Variants in LSM14A observed in about 807,000 individuals in gnomAD.
LSM14A encodes protein LSM14 homolog A.
A neutral mutation model predicts 52.4 loss-of-function variants in LSM14A; 14 were observed. The observed-to-expected ratio is 0.27, with a 90% confidence interval of 0.18 to 0.42. The LOEUF is 0.42. Among genes scored for constraint, LSM14A ranks in the 10% least tolerant of loss-of-function variants. The pLI is 1.00. For synonymous variants in LSM14A, 185 were observed against 200.3 expected (o/e 0.92, Z 0.64); for missense variants, 417 against 581.8 (o/e 0.72, Z 2.91).
At chr19:34,183,335 G>A (rs1423585601) in intron 1 of LSM14A, among the ~76,000 whole-genome samples, 1 of 152,008 alleles carries the variant, frequency 6.6e-6, no homozygotes, top group Non-Finnish European at 1.5e-5. Context: ...GGCGGATTAC[G>A]AGGTCAGGAG....
At chr19:34,205,825 CAA>C (rs966456000) in intron 3 of LSM14A, among the ~76,000 whole-genome samples, 4 of 151,974 alleles carry the variant, frequency 2.6e-5, no homozygotes, top group African/African-American at 7.2e-5. Flanking sequence ...TCAGCAAAGT[CAA>C]GAGTTTGTTT....
chr19:34,219,622 A>G (rs369519109), intron 7 of LSM14A, 49 bp downstream of exon 7: 18 of 1,573,922 alleles, frequency 1.1e-5, no homozygotes, highest in Non-Finnish European at 1.5e-5. Context: ...TGATCTGTGA[A>G]TTACAGATGT....
chr19:34,207,728 A>G (rs1174008657), intron 3 of LSM14A, among the ~76,000 whole-genome samples: 1 of 152,088 alleles, frequency 6.6e-6, no homozygotes, highest in Non-Finnish European at 1.5e-5. Flanking sequence ...ACGAGGTTTC[A>G]TCATACTGGT....
At chr19:34,196,430 A>T (rs188709440) in intron 2 of LSM14A, among the ~76,000 whole-genome samples, 1 of 152,226 alleles carries the variant, frequency 6.6e-6, no homozygotes, top group Non-Finnish European at 1.5e-5. Context: ...TGTAAGTCAC[A>T]TTGAGTATAA....
intron 1 of LSM14A, among the ~76,000 whole-genome samples, chr19:34,181,202 ACT>A (rs2069456441): frequency 1.3e-5 from 2 of 151,636 alleles, no homozygotes; most frequent in African/African-American, 4.9e-5. Context: ...GCAGTTCTCT[ACT>A]CTCCTCAGTT....
At chr19:34,215,490 G>A in intron 5 of LSM14A, 106 bp from the exon 6 acceptor site, 1 of 1,168,432 alleles carries the variant, frequency 8.6e-7, no homozygotes, top group Non-Finnish European at 1.3e-6. Flanking sequence ...GCATTGCACA[G>A]GCTTTGTTTT....
In LSM14A at chr19:34,227,933, C is replaced by T. The variant is rs1215467830; in HGVS notation, c.*545C>T. On this transcript the variant is annotated 3_prime_UTR_variant, in exon 10 of 10. Transcript: ENST00000544216. ...CTGGATGGTAGAGAATTTTGTCAGTCAACTATGTACACACAGTAAATACTG... is the reference window on the plus strand; with the variant it reads ...CTGGATGGTAGAGAATTTTGTCAGTTAACTATGTACACACAGTAAATACTG... The T allele has an allele frequency of 6.6e-6, 1 of 152,404 alleles. No individual in the cohort carries two copies. The highest frequency in any genetic ancestry group is 6.6e-5 in the Admixed American group (1 of 15,230). 9.4% of individuals were successfully genotyped at this position (152,404 alleles called of 1,614,324 possible).
intron 3 of LSM14A, among the ~76,000 whole-genome samples, chr19:34,204,828 G>T (rs2071561936): frequency 6.6e-6 from 1 of 152,058 alleles, no homozygotes; most frequent in African/African-American, 2.4e-5. Context: ...TTAAATACAT[G>T]TATTAGAAAA....
chr19:34,215,409 C>T, intron 5 of LSM14A, 109 bp downstream of exon 5: 1 of 1,220,346 alleles, frequency 8.2e-7, no homozygotes, highest in Non-Finnish European at 1.1e-6. Flanking sequence ...GAAAATTAAA[C>T]TGAATATGAT....
chr19:34,172,506 C>G lies in LSM14A; in HGVS notation c.-137C>G, dbSNP rs376096113. 9.9e-7 allele frequency: 1 copy of G among 1,014,144 alleles called. No individual in the cohort carries two copies. The highest frequency in any genetic ancestry group is 1.7e-5 in the African/African-American group (1 of 58,648). The allele number at this position is 1,014,144 out of a possible 1,614,324, so 62.8% of individuals were successfully genotyped here. A position where few individuals can be genotyped will look rare whatever the true frequency, so the allele number is the denominator to read the frequency against. ...AGGGCGGGAGGCTGGGGGAGGGTAG[C>G]GGAGCCGGCGCCGCCGCCATGTTGG... On this transcript the variant is annotated 5_prime_UTR_variant, in exon 1 of 10. Coordinates refer to ENST00000544216, the MANE Select transcript of LSM14A (RefSeq NM_015578.4).
At chr19:34,187,922 A>T (rs898089342) in intron 1 of LSM14A, among the ~76,000 whole-genome samples, 1 of 151,624 alleles carries the variant, frequency 6.6e-6, no homozygotes, top group African/African-American at 2.4e-5. Flanking sequence ...CATGTGATGC[A>T]TTTCTATTAA....
At chr19:34,181,300 A>G (rs2069464092) in intron 1 of LSM14A, among the ~76,000 whole-genome samples, 1 of 152,146 alleles carries the variant, frequency 6.6e-6, no homozygotes, top group Non-Finnish European at 1.5e-5. Context: ...ACCCCACTGT[A>G]CTTGAACTGA....
chr19:34,172,691 A>C lies in LSM14A; in HGVS notation c.49A>C (p.Lys17Gln), dbSNP rs2068785711. The C allele has an allele frequency of 6.3e-7, 1 of 1,581,188 alleles. No individual in the cohort carries two copies. The change falls in exon 1 of 10, where the codon AAG becomes CAG. Residue 17 changes from lysine (K) to glutamine (Q), a missense_variant. Lys to Gln is a moderately conservative substitution (Grantham distance 53). This residue lies in a region of LSM14A where 60 missense variants were observed against 124.8 expected (regional missense o/e 0.48). Transcript: ENST00000544216. ...YIGSKISLIS[K>Q]AEIRYEGILY... ...CGGCAGCAAGATCAGCCTCATCTCC[A>C]AGGCGGAGATCCGCTACGAGGGCAT...
At chr19:34,175,934 C>G (rs1273875783) in intron 1 of LSM14A, among the ~76,000 whole-genome samples, 1 of 152,110 alleles carries the variant, frequency 6.6e-6, no homozygotes, top group Non-Finnish European at 1.5e-5. Flanking sequence ...TGGCTCGCTG[C>G]AGCCTCCACC....
chr19:34,192,319 G>GTTGTTGTTTTTT (rs60512063), intron 1 of LSM14A, among the ~76,000 whole-genome samples: 18 of 53,406 alleles, frequency 3.4e-4, no homozygotes, highest in African/African-American at 7.3e-4. Flanking sequence ...TCTTTTTGTT[G>GTTGTTGTTTTTT]TTTTTTTTTT....
chr19:34,211,164 G>A (rs1260630), intron 4 of LSM14A, among the ~76,000 whole-genome samples: 15,670 of 151,458 alleles, frequency 0.1, 1,478 homozygotes, highest in African/African-American at 0.23. Context: ...AAAATTAGCC[G>A]GGCATGGTGG....
intron 6 of LSM14A, among the ~76,000 whole-genome samples, chr19:34,217,760 G>A (rs1210494210): frequency 6.7e-6 from 1 of 149,510 alleles, no homozygotes; most frequent in African/African-American, 2.5e-5. Context: ...CTCCTGAGTA[G>A]CTGGGACTAC....
intron 1 of LSM14A, among the ~76,000 whole-genome samples, chr19:34,177,699 GC>G (rs1171591362): frequency 6.6e-6 from 1 of 151,514 alleles, no homozygotes; most frequent in Admixed American, 6.6e-5. Flanking sequence ...ACCAGCCTCG[GC>G]AATACAGGGA....
rs2073459257 is a variant in LSM14A, at chr19:34,228,672, T to C, written c.*1284T>C. ...TCTAGTGGGAAAAATCTGGCCACTT[T>C]TGTGTTTTTATGAAGGCCATGGAAT... On this transcript the variant is annotated 3_prime_UTR_variant, in exon 10 of 10. Coordinates refer to ENST00000544216, the MANE Select transcript of LSM14A (RefSeq NM_015578.4). 1.3e-5 allele frequency: 2 copies of C among 152,660 alleles called. No individual in the cohort carries two copies. The highest frequency in any genetic ancestry group is 4.8e-5 in the African/African-American group (2 of 41,456). The allele number at this position is 152,660 out of a possible 1,614,324, so 9.5% of individuals were successfully genotyped here. A position where few individuals can be genotyped will look rare whatever the true frequency, so the allele number is the denominator to read the frequency against.
Sources: gnomAD v4.1 joint callset for allele counts (sites outside exome capture counted in the v4.1 genomes callset) on GRCh38, gnomAD v4.1.1 for gene constraint, gnomAD v4.1.1 regional missense constraint, MANE v1.5 for transcripts, NCBI Gene and HGNC (gene_info 2026-07-23, HGNC 2026-07-21) for gene names.